The following PCDHGB5 variants were observed in gnomAD, a reference collection of about 807,000 sequenced individuals.
PCDHGB5 encodes the protein protocadherin gamma-B5.
PCDHGB5 carries 48 observed loss-of-function variants against 62.9 expected under a neutral mutation model. The observed-to-expected ratio is 0.76, with a 90% confidence interval of 0.61 to 0.97. The LOEUF (loss-of-function observed/expected upper bound fraction) is 0.97, where lower values mean the gene tolerates loss of function less well. Ranked by LOEUF, PCDHGB5 falls within the 50% of genes least tolerant of loss-of-function variation. The pLI, the probability that PCDHGB5 is intolerant of heterozygous loss-of-function variation, is 0.00. For synonymous variants in PCDHGB5, 474 were observed against 511.2 expected (o/e 0.93, Z 0.98); for missense variants, 1,118 against 1,198.6 (o/e 0.93, Z 0.99).
chr5:141,472,980 C>CAAAAAAAAAAAAAAAAGAAAAAAAAA (rs2099308501), intron 1 of PCDHGB5, among the ~76,000 whole-genome samples: 1 of 86,106 alleles, frequency 1.2e-5, no homozygotes, highest in Non-Finnish European at 2.5e-5. Context: ...GAGTGAAACT[C>CAAAAAAAAAAAAAAAAGAAAAAAAAA]AAAAAAAAAA....
chr5:141,422,421 T>C, intron 1 of PCDHGB5: 1 of 1,607,810 alleles, frequency 6.2e-7, no homozygotes, highest in Non-Finnish European at 8.5e-7. Context: ...TAGAAAAGAC[T>C]TATGGAAATT....
chr5:141,491,800 C>T lies in PCDHGB5; in HGVS notation c.2398-3007C>T. The T allele has an allele frequency of 6.7e-7, 1 of 1,500,854 alleles. No individual in the cohort carries two copies. Among genetic ancestry groups the T allele is most frequent in the Non-Finnish European group, 8.9e-7 (1 of 1,125,316 alleles). 93.0% of individuals were successfully genotyped at this position (1,500,854 alleles called of 1,614,324 possible). A position where few individuals can be genotyped will look rare whatever the true frequency, so the allele number is the denominator to read the frequency against. Reference sequence around the variant, plus strand: ...GAACTTGCATCCACTCCTCTCCGGCCGGCTTGGTCGCTGGCTGCGCTCCAC... The same window carrying T: ...GAACTTGCATCCACTCCTCTCCGGCTGGCTTGGTCGCTGGCTGCGCTCCAC... On this transcript the variant is annotated intron_variant, in intron 1 of 3. Transcript: ENST00000617380. The surrounding 1 kb of genome is among the most constrained non-coding windows in gnomAD (Gnocchi z 6.9).
Position 141,511,643 on chromosome 5 carries a change from C to T in PCDHGB5, c.*470C>T, listed in dbSNP as rs937995879. ...TGAAAAGTTGGAAGGGCATCATGACCTCTTGGCCTCTCCTTTGATTCTCAA... is the reference window on the plus strand; with the variant it reads ...TGAAAAGTTGGAAGGGCATCATGACTTCTTGGCCTCTCCTTTGATTCTCAA... On this transcript the variant is annotated 3_prime_UTR_variant, in exon 4 of 4. Coordinates refer to ENST00000617380, the MANE Select transcript of PCDHGB5 (RefSeq NM_018925.3). 4 of 218,904 alleles carry T rather than the reference C, an allele frequency of 1.8e-5. No homozygotes were observed. The highest frequency in any genetic ancestry group is 5.2e-5 in the Admixed American group (1 of 19,306). 13.6% of individuals were successfully genotyped at this position (218,904 alleles called of 1,614,324 possible). A position where few individuals can be genotyped will look rare whatever the true frequency, so the allele number is the denominator to read the frequency against.
chr5:141,489,339 C>T lies in PCDHGB5; in HGVS notation c.2398-5468C>T. 6.2e-7 allele frequency: 1 copy of T among 1,608,828 alleles called. No individual in the cohort carries two copies. On this transcript the variant is annotated intron_variant, in intron 1 of 3. Transcript: ENST00000617380. The surrounding 1 kb of genome is among the most constrained non-coding windows in gnomAD (Gnocchi z 4.5). ...GCTGGGTGTCTGGGCAGCTTCGTTA[C>T]TCAGTGGTGGAGGAGTCTGAGCCGG...
intron 1 of PCDHGB5, among the ~76,000 whole-genome samples, chr5:141,468,952 G>GT (rs34870721): frequency 0.24 from 35,946 of 151,248 alleles, 4,442 homozygotes; most frequent in Admixed American, 0.32. Flanking sequence ...TAAACCTGTG[G>GT]TTTTTTTTAC....
intron 1 of PCDHGB5, chr5:141,423,243 C>G (rs2096724455): frequency 6.2e-7 from 1 of 1,613,842 alleles, no homozygotes. Flanking sequence ...TCCCCGAAGT[C>G]CTGGCGGACC....
chr5:141,462,512 A>C (rs1169461013), intron 1 of PCDHGB5, among the ~76,000 whole-genome samples: 1 of 152,106 alleles, frequency 6.6e-6, no homozygotes, highest in Non-Finnish European at 1.5e-5. Flanking sequence ...AACTAGATCA[A>C]GTTAGTAAGA....
rs1404533394 is a variant in PCDHGB5, at chr5:141,491,708, G to T, written c.2398-3099G>T. ...CTGCGGGAGCGGAGCCAGGTGAGGG[G>T]CTCGGCGCCGCCCCGGGCGACCCCT... On this transcript the variant is annotated intron_variant, in intron 1 of 3. Transcript: ENST00000617380. The surrounding 1 kb of genome is among the most constrained non-coding windows in gnomAD (Gnocchi z 6.9). 1 of 1,610,132 alleles carries T rather than the reference G, an allele frequency of 6.2e-7. No individual in the cohort carries two copies. Among genetic ancestry groups the T allele is most frequent in the Admixed American group, 1.7e-5 (1 of 59,518 alleles).
chr5:141,498,960 G>GGAGA (rs1381042115), intron 2 of PCDHGB5, among the ~76,000 whole-genome samples: 9 of 118,744 alleles, frequency 7.6e-5, no homozygotes, highest in African/African-American at 2.8e-4. Context: ...AGAGAGAGAG[G>GGAGA]GAGGGAGGGA....
chr5:141,403,324 T>C (rs769971532), intron 1 of PCDHGB5: 9 of 1,613,974 alleles, frequency 5.6e-6, no homozygotes, highest in Non-Finnish European at 6.8e-6. Context: ...TAGAAGTAAC[T>C]GATATTAACG....
chr5:141,510,840 A>C (rs2099882997), intron 3 of PCDHGB5, 107 bp from the exon 4 acceptor site: 1 of 1,588,450 alleles, frequency 6.3e-7, no homozygotes, highest in Non-Finnish European at 8.6e-7. Context: ...CAGCGTGGTC[A>C]AGGCCCAGGG....
At chr5:141,444,002 C>T (rs2098413409) in intron 1 of PCDHGB5, among the ~76,000 whole-genome samples, 1 of 151,918 alleles carries the variant, frequency 6.6e-6, no homozygotes, top group African/African-American at 2.4e-5. Flanking sequence ...TAAATGCTAC[C>T]TGGGTATTGG....
intron 1 of PCDHGB5, chr5:141,412,995 T>G: frequency 1.7e-6 from 1 of 572,718 alleles, no homozygotes. Flanking sequence ...TCAATCCGGA[T>G]TCTCAGGGCT....
chr5:141,481,401 CT>C (rs2099537157), intron 1 of PCDHGB5, among the ~76,000 whole-genome samples: 1 of 152,204 alleles, frequency 6.6e-6, no homozygotes, highest in African/African-American at 2.4e-5. Flanking sequence ...TGACAAAATT[CT>C]TGTATAATTA....
Position 141,400,233 on chromosome 5 carries a change from C to A in PCDHGB5, c.2106C>A (p.Ala702=), listed in dbSNP as rs373858401. ...LALISVLFLL[A]VILAVALRLR... Reference sequence around the variant, plus strand: ...TGATCTCAGTGCTCTTCCTCCTGGCCGTGATTCTGGCCGTTGCCTTGCGCC... The same window carrying A: ...TGATCTCAGTGCTCTTCCTCCTGGCAGTGATTCTGGCCGTTGCCTTGCGCC... The change falls in exon 1 of 4, where the codon GCC becomes GCA. Residue 702 remains alanine, a synonymous_variant. Transcript: ENST00000617380. 1.2e-6 allele frequency: 2 copies of A among 1,613,988 alleles called. No individual in the cohort carries two copies. Among genetic ancestry groups the A allele is most frequent in the African/African-American group, 1.3e-5 (1 of 75,032 alleles).
At chr5:141,429,039 A>G (rs565483195) in intron 1 of PCDHGB5, 1 of 152,202 alleles carries the variant, frequency 6.6e-6, no homozygotes, top group East Asian at 1.9e-4. Flanking sequence ...CATTTTTAGT[A>G]CAGACGGGGT....
In PCDHGB5 at chr5:141,402,956, G is replaced by A. The variant is rs1276206622; in HGVS notation, c.2397+2432G>A. Reference sequence around the variant, plus strand: ...AAAATTCCAAAGCGAGGCAGCAATGGCAGCTCCAACCAAATGCCAGCTCCG... The same window carrying A: ...AAAATTCCAAAGCGAGGCAGCAATGACAGCTCCAACCAAATGCCAGCTCCG... On this transcript the variant is annotated intron_variant, in intron 1 of 3. Coordinates refer to ENST00000617380, the MANE Select transcript of PCDHGB5 (RefSeq NM_018925.3). 1.2e-6 allele frequency: 2 copies of A among 1,601,842 alleles called. No individual in the cohort carries two copies. The highest frequency in any genetic ancestry group is 2.7e-5 in the African/African-American group (2 of 74,454).
At chr5:141,447,197 T>C (rs1249080495) in intron 1 of PCDHGB5, among the ~76,000 whole-genome samples, 7 of 152,188 alleles carry the variant, frequency 4.6e-5, no homozygotes, top group Admixed American at 4.6e-4. Context: ...TGGAGTGCAA[T>C]GGCTTGATCT....
intron 1 of PCDHGB5, among the ~76,000 whole-genome samples, chr5:141,425,078 G>A (rs1196415752): frequency 3.9e-5 from 6 of 152,112 alleles, no homozygotes; most frequent in Admixed American, 6.5e-5. Flanking sequence ...AATTTCAACT[G>A]TAGGAAAGGC....
Sources: gnomAD v4.1 joint callset for allele counts (sites outside exome capture counted in the v4.1 genomes callset) on GRCh38, gnomAD v4.1.1 for gene constraint, Gnocchi (gnomAD v3.1) non-coding constraint, MANE v1.5 for transcripts, NCBI Gene and HGNC (gene_info 2026-07-23, HGNC 2026-07-21) for gene names.